The following AP2A2 variants were observed in gnomAD, a reference collection of about 807,000 sequenced individuals.
AP2A2 encodes AP-2 complex subunit alpha-2.
A neutral mutation model predicts 104.2 loss-of-function variants in AP2A2; 32 were observed. That is an observed-to-expected ratio of 0.31 (90% CI 0.23 to 0.41). The LOEUF is 0.41. Among genes scored for constraint, AP2A2 ranks in the 10% least tolerant of loss-of-function variants. The probability of loss-of-function intolerance (pLI) is 1.00; values close to 1 mark genes in which losing one functional copy is unlikely to be tolerated. For missense variants in AP2A2, 912 were observed against 1,261.0 expected (o/e 0.72, Z 4.19); for synonymous variants, 539 against 533.3 (o/e 1.01, Z -0.15).
Position 926,097 on chromosome 11 carries a change from C to CG in AP2A2, c.67+14dup. The CG allele has an allele frequency of 7.7e-7, 1 of 1,302,684 alleles. No homozygotes were observed. The highest frequency in any genetic ancestry group is 9.9e-7 in the Non-Finnish European group (1 of 1,012,930). The allele number at this position is 1,302,684 out of a possible 1,614,324, so 80.7% of individuals were successfully genotyped here. A position where few individuals can be genotyped will look rare whatever the true frequency, so the allele number is the denominator to read the frequency against. ...CTCGGATATCCGCAACTGTGAGTGG[C>CG]GGGGGCGGCGTGGGGCCGGGGCCGG... On this transcript the variant is annotated intron_variant, in intron 1 of 21. Coordinates refer to ENST00000448903, the MANE Select transcript of AP2A2 (RefSeq NM_012305.4).
At position 970,408 on chromosome 11, in the gene AP2A2, C is replaced by T. The variant is rs1419659862; in HGVS notation, c.279+97C>T. 6 of 1,489,222 alleles carry T rather than the reference C, an allele frequency of 4.0e-6. No individual in the cohort carries two copies. In the Admixed American group the frequency reaches 1.1e-4, roughly 26 times the overall value. 92.3% of individuals were successfully genotyped at this position (1,489,222 alleles called of 1,614,324 possible). ...TAGGGCCGCTGCTTCCTTCTCTGCCCACAGCTGACGTGAGCCACGTGGGTC... is the reference window on the plus strand; with the variant it reads ...TAGGGCCGCTGCTTCCTTCTCTGCCTACAGCTGACGTGAGCCACGTGGGTC... On this transcript the variant is annotated intron_variant, in intron 3 of 21. Coordinates refer to ENST00000448903, the MANE Select transcript of AP2A2 (RefSeq NM_012305.4).
At chr11:937,564 C>T (rs1259054821) in intron 1 of AP2A2, among the ~76,000 whole-genome samples, 1 of 152,208 alleles carries the variant, frequency 6.6e-6, no homozygotes, top group Non-Finnish European at 1.5e-5. Flanking sequence ...GCCACGTTTG[C>T]GCCATTGCGC....
At chr11:971,667 T>C (rs11246363) in intron 3 of AP2A2, among the ~76,000 whole-genome samples, 77,590 of 151,464 alleles carry the variant, frequency 0.51, 20,400 homozygotes, top group Middle Eastern at 0.66. Flanking sequence ...TTCTGGAAAT[T>C]GTTGTAGCTA....
chr11:1,006,293 T>A (rs1424258031), intron 16 of AP2A2, among the ~76,000 whole-genome samples: 1 of 152,018 alleles, frequency 6.6e-6, no homozygotes. Flanking sequence ...GGGAGGAGGG[T>A]GCTGGAGGGC....
intron 6 of AP2A2, among the ~76,000 whole-genome samples, chr11:983,066 G>A (rs1202089780): frequency 1.6e-5 from 2 of 128,298 alleles, no homozygotes; most frequent in Non-Finnish European, 3.1e-5. Context: ...TGTTGCCCAG[G>A]TTGGAGTGCA....
chr11:931,345 G>T (rs1332580326), intron 1 of AP2A2, among the ~76,000 whole-genome samples: 2 of 152,184 alleles, frequency 1.3e-5, no homozygotes, highest in African/African-American at 2.4e-5. Flanking sequence ...GAGGAGAGTT[G>T]TATCTAACTT....
rs1856105521 is a variant in AP2A2 at position 1,003,747 on chromosome 11, T to G, written c.2149T>G (p.Leu717Val). 6.2e-7 allele frequency: 1 copy of G among 1,609,862 alleles called. No individual in the cohort carries two copies. Among genetic ancestry groups the G allele is most frequent in the South Asian group, 1.1e-5 (1 of 89,864 alleles). Reference protein sequence around the residue: ...ARFVCKNNGVLFENQLLQIGL... With the variant: ...ARFVCKNNGVVFENQLLQIGL... ...GTTTGTTTGTAAAAACAATGGTGTG[T>G]TGTTTGAAAACCAGCTGCTTCAAAT... is the stretch of plus-strand genomic sequence containing the variant. Residue 717 changes from leucine (L) to valine (V), a missense_variant, in exon 16 of 22, where the codon TTG (leucine) becomes GTG (valine). By Grantham distance (32) the Leu-to-Val change is conservative. Coordinates refer to ENST00000448903, the MANE Select transcript of AP2A2 (RefSeq NM_012305.4).
intron 1 of AP2A2, among the ~76,000 whole-genome samples, chr11:938,009 G>C (rs942042519): frequency 6.6e-6 from 1 of 152,212 alleles, no homozygotes; most frequent in African/African-American, 2.4e-5. Flanking sequence ...GCCAGGTTAT[G>C]CTTCTGCCTG....
intron 3 of AP2A2, 101 bp from the exon 4 acceptor site, chr11:971,961 C>T: frequency 1.7e-6 from 2 of 1,207,630 alleles, no homozygotes; most frequent in Admixed American, 4.9e-5. Flanking sequence ...GGTGCCTGGG[C>T]TGCTTCCGCA....
At chr11:934,699 G>A (rs1853395594) in intron 1 of AP2A2, among the ~76,000 whole-genome samples, 1 of 152,130 alleles carries the variant, frequency 6.6e-6, no homozygotes, top group South Asian at 2.1e-4. Flanking sequence ...TCTGATGGCA[G>A]CACAAGGGTG....
rs1322713688 is a variant in AP2A2, at chr11:1,011,240, C to T, written c.*615C>T. On this transcript the variant is annotated 3_prime_UTR_variant, in exon 22 of 22. Coordinates refer to ENST00000448903, the MANE Select transcript of AP2A2 (RefSeq NM_012305.4). ...GCCGGATGTAACTGTTCTCCTTTCC[C>T]AGCTCCTGTTTGTGAAGGGCGTCTG... is the stretch of plus-strand genomic sequence containing the variant. 1.9e-6 allele frequency: 1 copy of T among 519,228 alleles called. No individual in the cohort carries two copies. The highest frequency in any genetic ancestry group is 5.4e-5 in the East Asian group (1 of 18,396). The allele number at this position is 519,228 out of a possible 1,614,324, so 32.2% of individuals were successfully genotyped here. A position where few individuals can be genotyped will look rare whatever the true frequency, so the allele number is the denominator to read the frequency against.
At chr11:988,275 A>G (rs879345592) in intron 9 of AP2A2, among the ~76,000 whole-genome samples, 11 of 151,622 alleles carry the variant, frequency 7.3e-5, no homozygotes, top group Non-Finnish European at 1.0e-4. Context: ...GCCCTTGTGG[A>G]GGGCAAGGGA....
In AP2A2 at chr11:1,009,489, A is replaced by C. The variant is rs563266365; in HGVS notation, c.2607+92A>C. The C allele has an allele frequency of 4.8e-5, 61 of 1,266,694 alleles. No homozygotes were observed. In the East Asian group the frequency reaches 1.8e-3, roughly 37 times the overall value. The allele number at this position is 1,266,694 out of a possible 1,614,324, so 78.5% of individuals were successfully genotyped here. On this transcript the variant is annotated intron_variant, in intron 20 of 21. Coordinates refer to ENST00000448903, the MANE Select transcript of AP2A2 (RefSeq NM_012305.4). ...GACGGCCCCGGGGAACACGCAGCCC[A>C]TGACCCCGCGCCAGGGTCTGGAGGG...
intron 1 of AP2A2, among the ~76,000 whole-genome samples, chr11:928,202 C>T (rs1853179680): frequency 6.6e-6 from 1 of 152,168 alleles, no homozygotes; most frequent in Non-Finnish European, 1.5e-5. Context: ...GTTTCAGTTA[C>T]CTCTGGTGAT....
intron 18 of AP2A2, chr11:1,008,361 C>T (rs961688392): frequency 6.9e-6 from 4 of 583,402 alleles, no homozygotes; most frequent in African/African-American, 5.9e-5. Context: ...GCAGCTCCCA[C>T]ATGGGGCCTT....
rs1016967151 is a variant in AP2A2 at position 959,624 on chromosome 11, A to G, written c.136+119A>G. 7 of 695,922 alleles carry G rather than the reference A, an allele frequency of 1.0e-5. No homozygotes were observed. The Admixed American group carries it at 1.2e-4, about 12-fold the overall frequency. The allele number at this position is 695,922 out of a possible 1,614,324, so 43.1% of individuals were successfully genotyped here. A position where few individuals can be genotyped will look rare whatever the true frequency, so the allele number is the denominator to read the frequency against. ...CTAAAGTGAAGTTCTCAGTTTGTAC[A>G]GTTTCTATCAGGGCCCTGTCAGAAT... On this transcript the variant is annotated intron_variant, in intron 2 of 21. Coordinates refer to ENST00000448903, the MANE Select transcript of AP2A2 (RefSeq NM_012305.4).
intron 4 of AP2A2, among the ~76,000 whole-genome samples, chr11:976,813 A>T (rs534928429): frequency 6.6e-6 from 1 of 152,350 alleles, no homozygotes; most frequent in South Asian, 2.1e-4. Flanking sequence ...CAACAACAAG[A>T]AAGCTATTGT....
chr11:996,785 G>A (rs1405123151), intron 14 of AP2A2, among the ~76,000 whole-genome samples: 3 of 152,140 alleles, frequency 2.0e-5, no homozygotes, highest in African/African-American at 4.8e-5. Flanking sequence ...GGTGCCTGGC[G>A]GGTGGGTTCC....
At chr11:977,871 C>T (rs550417721) in intron 5 of AP2A2, among the ~76,000 whole-genome samples, 1 of 152,166 alleles carries the variant, frequency 6.6e-6, no homozygotes, top group African/African-American at 2.4e-5. Flanking sequence ...GCATGTGGGC[C>T]GGTCACGCGT....
Sources: allele counts gnomAD v4.1 joint callset (sites outside exome capture counted in the v4.1 genomes callset), GRCh38; gene constraint gnomAD v4.1.1; transcripts MANE v1.5; gene names NCBI Gene and HGNC (gene_info 2026-07-23, HGNC 2026-07-21).